The following OSBPL9 variants were observed in gnomAD, a reference collection of about 807,000 sequenced individuals.
OSBPL9 encodes the protein oxysterol-binding protein-related protein 9.
In OSBPL9, 40 loss-of-function variants were observed where a neutral mutation model predicts 106.6. The observed-to-expected ratio is 0.38, with a 90% confidence interval of 0.29 to 0.49. The LOEUF (loss-of-function observed/expected upper bound fraction) is 0.49, where lower values mean the gene tolerates loss of function less well. Ranked by LOEUF, OSBPL9 falls within the 20% of genes least tolerant of loss-of-function variation. OSBPL9 has a pLI of 0.97. For synonymous variants in OSBPL9, 269 were observed against 295.4 expected, an observed-to-expected ratio of 0.91 and a Z score of 0.92; for missense variants, 609 against 887.2, an observed-to-expected ratio of 0.69 and a Z score of 3.98.
the OSBPL9 span, among the ~76,000 whole-genome samples, chr1:51,566,751 T>C: frequency 6.6e-6 from 1 of 152,192 alleles, no homozygotes; most frequent in African/African-American, 2.4e-5. Flanking sequence ...CTCCCTAGCC[T>C]TCATCCTTCC....
chr1:51,618,957 TCATC>T (rs1644257388), intron 1 of OSBPL9, among the ~76,000 whole-genome samples: 1 of 152,218 alleles, frequency 6.6e-6, no homozygotes, highest in Non-Finnish European at 1.5e-5. Context: ...AGTATTACTT[TCATC>T]ATCCTTCAAC....
intron 22 of OSBPL9, 63 bp from the exon 23 acceptor site, chr1:51,787,290 A>G: frequency 6.6e-7 from 1 of 1,513,300 alleles, no homozygotes; most frequent in East Asian, 2.3e-5. Flanking sequence ...ATTATACTAT[A>G]TTCAGGATGG....
intron 18 of OSBPL9, 113 bp downstream of exon 18, chr1:51,784,138 G>A: frequency 7.2e-7 from 1 of 1,382,558 alleles, no homozygotes; most frequent in Non-Finnish European, 1.0e-6. Context: ...TGAGAGCAAA[G>A]GGTGGGGAAC....
chr1:51,685,552 C>T (rs777141681), intron 3 of OSBPL9, among the ~76,000 whole-genome samples: 4 of 152,214 alleles, frequency 2.6e-5, no homozygotes, highest in Admixed American at 1.3e-4. Context: ...GGATTATAGG[C>T]GCGCCACCAC....
chr1:51,742,835 A>G (rs1481568650), intron 4 of OSBPL9, among the ~76,000 whole-genome samples: 2 of 152,238 alleles, frequency 1.3e-5, no homozygotes, highest in Non-Finnish European at 2.9e-5. Flanking sequence ...AACAGTTAAC[A>G]CTTCAGGAGA....
Position 51,699,964 on chromosome 1 carries a change from A to G in OSBPL9, c.242-14039A>G, listed in dbSNP as rs111694135. ...ATGCTGATACCTCCAGTTACAGTCT[A>G]TCACAACAGAAATAATTCTGTTTTT... On this transcript the variant is annotated intron_variant, in intron 3 of 23. Transcript: ENST00000428468. Among the ~76,000 whole-genome samples the G allele has an allele frequency of 5.3e-3, 804 of 152,326 alleles. 4 individuals are homozygous for G. Among genetic ancestry groups the G allele is most frequent in the Middle Eastern group, 0.01 (3 of 294 alleles).
chr1:51,540,399 G>A, the OSBPL9 span, among the ~76,000 whole-genome samples: 1 of 152,086 alleles, frequency 6.6e-6, no homozygotes, highest in Non-Finnish European at 1.5e-5. Context: ...GTTCATGCCT[G>A]TAATCCCAGC....
rs868335724 is a variant in OSBPL9 at position 51,752,843 on chromosome 1, A to G, written c.543+2648A>G. On this transcript the variant is annotated intron_variant, in intron 8 of 23. Transcript: ENST00000428468. Reference sequence around the variant, plus strand: ...GGCCCCACCCTTATGATCCCATTTAACCTTAGTTACTTCTGTAGAGGTCTC... The same window carrying G: ...GGCCCCACCCTTATGATCCCATTTAGCCTTAGTTACTTCTGTAGAGGTCTC... The G allele has an allele frequency of 1.9e-4, 44 of 229,050 alleles. 1 individual carries two copies. The South Asian group carries it at 2.6e-3, about 14-fold the overall frequency. 14.2% of individuals were successfully genotyped at this position (229,050 alleles called of 1,614,324 possible).
intron 3 of OSBPL9, among the ~76,000 whole-genome samples, chr1:51,683,210 C>T (rs553980921): frequency 4.6e-5 from 7 of 150,666 alleles, no homozygotes; most frequent in African/African-American, 1.5e-4. Context: ...GATGGAGTTT[C>T]GCTCTTGTTG....
chr1:51,788,777 A>AGATAGAT lies in OSBPL9; in HGVS notation c.*994_*995insTGATAGA, dbSNP rs1553199117. On this transcript the variant is annotated 3_prime_UTR_variant, in exon 24 of 24. Coordinates refer to ENST00000428468, the MANE Select transcript of OSBPL9 (RefSeq NM_024586.6). ...CCACAGTGAACAAAAATAGATAGATAGATAGAATAAAATGAATGCCACAGC... is the reference window on the plus strand; with the variant it reads ...CCACAGTGAACAAAAATAGATAGATAGATAGATGATAGAATAAAATGAATGCCACAGC... Among the ~76,000 whole-genome samples, 2 of 151,950 alleles carry AGATAGAT rather than the reference A, an allele frequency of 1.3e-5. No individual in the cohort carries two copies. The highest frequency in any genetic ancestry group is 4.9e-5 in the African/African-American group (2 of 41,198).
At chr1:51,561,188 A>G in the OSBPL9 span, among the ~76,000 whole-genome samples, 1 of 152,168 alleles carries the variant, frequency 6.6e-6, no homozygotes, top group African/African-American at 2.4e-5. Flanking sequence ...AGTGAGCTGA[A>G]ATTGCATCAC....
At chr1:51,724,746 G>GT (rs36123822) in intron 4 of OSBPL9, 35,406 of 163,660 alleles carry the variant, frequency 0.22, 5,437 homozygotes, top group African/African-American at 0.44. Context: ...AGCTGTCAGG[G>GT]TTTTTTGCTT....
Position 51,787,789 on chromosome 1 carries a change from G to A in OSBPL9, c.2211G>A (p.Ter737=). The A allele has an allele frequency of 6.2e-7, 1 of 1,611,162 alleles. No homozygotes were observed. Among genetic ancestry groups the A allele is most frequent in the Non-Finnish European group, 8.5e-7 (1 of 1,177,850 alleles). The change falls in exon 24 of 24, where the codon TAG becomes TAA. Residue 737 remains the stop codon, a stop_retained_variant. Transcript: ENST00000428468. The part of the protein sequence containing the change: ...LLKRLGAAKH[*] The stretch of plus-strand genomic sequence containing the variant: ...AACGTCTTGGTGCTGCCAAGCATTA[G>A]GTTGGAAGATGCAAAGTTTATACCT...
chr1:51,789,129 A>C lies in OSBPL9; in HGVS notation c.*1340A>C. On this transcript the variant is annotated 3_prime_UTR_variant, in exon 24 of 24. Coordinates refer to ENST00000428468, the MANE Select transcript of OSBPL9 (RefSeq NM_024586.6). ...AAATCAAATGCTATGATGCCAGTGC[A>C]AAACTTCAATGGAAGCCCTAAGGCA... is the stretch of plus-strand genomic sequence containing the variant. The C allele has an allele frequency of 9.3e-7, 1 of 1,077,804 alleles. No individual in the cohort carries two copies. Among genetic ancestry groups the C allele is most frequent in the East Asian group, 2.5e-5 (1 of 40,714 alleles). 66.8% of individuals were successfully genotyped at this position (1,077,804 alleles called of 1,614,324 possible).
At position 51,756,341 on chromosome 1, in the gene OSBPL9, C is replaced by A. The variant is rs755249782; in HGVS notation, c.565C>A (p.His189Asn). 10 of 1,613,094 alleles carry A rather than the reference C, an allele frequency of 6.2e-6. 1 individual carries two copies. The South Asian group carries it at 1.1e-4, about 18-fold the overall frequency. The change falls in exon 9 of 24, where the codon CAC (histidine) becomes AAC (asparagine). Residue 189 changes from histidine to asparagine, a missense_variant. This residue lies in a region of OSBPL9 where 356 missense variants were observed against 505.8 expected (regional missense o/e 0.70). Transcript: ENST00000428468. ...IAKDQSNAEKHADGMISTINP... is the reference protein window; with the variant it reads ...IAKDQSNAEKNADGMISTINP... ...TAAGGACCAGAGTAATGCGGAGAAG[C>A]ACGCAGATGGAATGATAGTAAGTTT...
At chr1:51,762,115 C>A in intron 11 of OSBPL9, 144 bp downstream of exon 11, 1 of 583,044 alleles carries the variant, frequency 1.7e-6, no homozygotes, top group South Asian at 2.2e-5. Flanking sequence ...CATTATAGTT[C>A]CATACATGAA....
intron 14 of OSBPL9, among the ~76,000 whole-genome samples, chr1:51,773,260 A>G (rs1057358175): frequency 6.6e-6 from 1 of 152,140 alleles, no homozygotes; most frequent in African/African-American, 2.4e-5. Flanking sequence ...GAGTCATGCA[A>G]AATTACCATA....
chr1:51,721,484 A>G (rs1372518413), intron 4 of OSBPL9, among the ~76,000 whole-genome samples: 1 of 152,222 alleles, frequency 6.6e-6, no homozygotes, highest in Non-Finnish European at 1.5e-5. Flanking sequence ...AGATTAACAT[A>G]ACTTAATTGT....
chr1:51,637,754 C>G (rs1204674631), intron 1 of OSBPL9, among the ~76,000 whole-genome samples: 2 of 152,074 alleles, frequency 1.3e-5, no homozygotes, highest in Non-Finnish European at 2.9e-5. Context: ...TTTAGGCTAT[C>G]TAACTGATAC....
Sources: gnomAD v4.1 joint callset for allele counts (sites outside exome capture counted in the v4.1 genomes callset) on GRCh38, gnomAD v4.1.1 for gene constraint, gnomAD v4.1.1 regional missense constraint, MANE v1.5 for transcripts, NCBI Gene and HGNC (gene_info 2026-07-23, HGNC 2026-07-21) for gene names.